The following IGF2BP1 variants were observed in gnomAD, a reference collection of about 807,000 sequenced individuals.
The protein encoded by IGF2BP1 is insulin like growth factor 2 mRNA binding protein 1.
In IGF2BP1, 11 loss-of-function variants were observed where a neutral mutation model predicts 74.9. The ratio of observed to expected loss-of-function variants is 0.15; its 90% CI spans 0.09 to 0.24. IGF2BP1 has a LOEUF of 0.24. Ranked by LOEUF, IGF2BP1 falls within the 10% of genes least tolerant of loss-of-function variation. The probability of loss-of-function intolerance (pLI) is 1.00; values close to 1 mark genes in which losing one functional copy is unlikely to be tolerated. For missense variants in IGF2BP1, 440 were observed against 757.4 expected (o/e 0.58, Z 4.92); for synonymous variants, 287 against 281.8 (o/e 1.02, Z -0.18).
Position 49,003,813 on chromosome 17 carries a change from A to AC in IGF2BP1, c.236+4645dup, listed in dbSNP as rs1440420065. ...AGGGAGAGAGGGAGGGAGGGGAGAT[A>AC]CGGGGTTGGGTGGATTTCCCGCTTC... On this transcript the variant is annotated intron_variant, in intron 2 of 14. Transcript: ENST00000290341. Among the ~76,000 whole-genome samples, 3 of 127,152 alleles carry AC rather than the reference A, an allele frequency of 2.4e-5. No individual in the cohort carries two copies. The East Asian group carries it at 8.5e-4, about 36-fold the overall frequency. 83.4% of individuals were successfully genotyped at this position (127,152 alleles called of 152,430 possible). A position where few individuals can be genotyped will look rare whatever the true frequency, so the allele number is the denominator to read the frequency against.
chr17:49,043,552 T>G lies in IGF2BP1; in HGVS notation c.1200+2T>G. The G allele has an allele frequency of 6.2e-7, 1 of 1,613,848 alleles. No individual in the cohort carries two copies. The highest frequency in any genetic ancestry group is 8.5e-7 in the Non-Finnish European group (1 of 1,179,814). On this transcript the variant is annotated splice_donor_variant, in intron 10 of 14. Transcript: ENST00000290341. LOFTEE classifies it high-confidence loss of function. Reference sequence around the variant, plus strand: ...GCTGCTCCCTATAGCTCCTTTATGGTAGGTGGAAGATCTTATTACACGGGA... The same window carrying G: ...GCTGCTCCCTATAGCTCCTTTATGGGAGGTGGAAGATCTTATTACACGGGA...
In IGF2BP1 at chr17:49,055,706, CA is replaced by C. The variant is rs1424740004; in HGVS notation, c.*6266del. 1.8e-5 allele frequency: 7 copies of C among 398,372 alleles called. No homozygotes were observed. The highest frequency in any genetic ancestry group is 1.4e-4 in the African/African-American group (7 of 48,580). The allele number at this position is 398,372 out of a possible 1,614,324, so 24.7% of individuals were successfully genotyped here. On this transcript the variant is annotated 3_prime_UTR_variant, in exon 15 of 15. Transcript: ENST00000290341. ...CCTGGTCCCCAAAACCAGAGTGAAT[CA>C]AAAGAGCTTCCTCCCCTGAGGCAAA...
At chr17:49,000,941 A>G (rs1264860897) in intron 2 of IGF2BP1, among the ~76,000 whole-genome samples, 2 of 92,164 alleles carry the variant, frequency 2.2e-5, no homozygotes, top group Non-Finnish European at 4.6e-5. Flanking sequence ...AAGACTGGGT[A>G]AAAAAAAAAA....
intron 2 of IGF2BP1, among the ~76,000 whole-genome samples, chr17:49,019,918 A>ATG (rs2041759087): frequency 1.9e-5 from 1 of 52,102 alleles, no homozygotes. Flanking sequence ...ATATATATAT[A>ATG]TATATATATA....
intron 2 of IGF2BP1, among the ~76,000 whole-genome samples, chr17:49,014,597 GAC>G (rs1401966222): frequency 6.6e-6 from 1 of 152,054 alleles, no homozygotes; most frequent in Non-Finnish European, 1.5e-5. Context: ...TCAGGGGAGA[GAC>G]TGGCTGAGGA....
At position 48,997,711 on chromosome 17, in the gene IGF2BP1, T is replaced by TGCCCGGGACCGCGTCCTGCCCC. The variant is rs757891681; in HGVS notation, c.-33_-12dup. 1 of 1,601,426 alleles carries TGCCCGGGACCGCGTCCTGCCCC rather than the reference T, an allele frequency of 6.2e-7. No individual in the cohort carries two copies. The highest frequency in any genetic ancestry group is 8.5e-7 in the Non-Finnish European group (1 of 1,173,074). On this transcript the variant is annotated 5_prime_UTR_variant, in exon 1 of 15. Coordinates refer to ENST00000290341, the MANE Select transcript of IGF2BP1 (RefSeq NM_006546.4). The surrounding 1 kb of genome is among the most constrained non-coding windows in gnomAD (Gnocchi z 4.8). ...CCGCCCGCGCCCGCTCGTTCGGCCT[T>TGCCCGGGACCGCGTCCTGCCCC]GCCCGGGACCGCGTCCTGCCCCGAG...
intron 3 of IGF2BP1, among the ~76,000 whole-genome samples, 187 bp downstream of exon 3, chr17:49,025,853 CTTTCTTT>C (rs1193943732): frequency 1.1e-4 from 16 of 140,364 alleles, no homozygotes; most frequent in Admixed American, 7.0e-4. Flanking sequence ...TCTTTCTTTT[CTTTCTTT>C]TTTTTTTTTT....
In IGF2BP1 at chr17:49,006,190, G is replaced by A. The variant is rs114487343; in HGVS notation, c.236+7021G>A. 3.1e-3 allele frequency among the ~76,000 whole-genome samples: 472 copies of A among 152,312 alleles called. 2 individuals carry two copies. Among genetic ancestry groups the A allele is most frequent in the African/African-American group, 0.011 (455 of 41,564 alleles). ...GATTGGATATAGTTAGGATCTTTAA[G>A]GGGAGAAATCAGAGAATTCAGAAAT... On this transcript the variant is annotated intron_variant, in intron 2 of 14. Transcript: ENST00000290341.
rs543606274 is a variant in IGF2BP1 at position 49,051,655 on chromosome 17, A to T, written c.*2211A>T. The T allele has an allele frequency of 3.3e-5, 5 of 152,278 alleles. No homozygotes were observed. In the East Asian group the frequency reaches 9.6e-4, roughly 29 times the overall value. 9.4% of individuals were successfully genotyped at this position (152,278 alleles called of 1,614,324 possible). On this transcript the variant is annotated 3_prime_UTR_variant, in exon 15 of 15. Transcript: ENST00000290341. ...ACCAGTGGTGCTGTTGAGATATTTT[A>T]AAATATTGCCTCCGTTTTATCGAGG...
chr17:49,028,361 A>G (rs1157251437), intron 4 of IGF2BP1, among the ~76,000 whole-genome samples: 1 of 152,182 alleles, frequency 6.6e-6, no homozygotes, highest in Non-Finnish European at 1.5e-5. Flanking sequence ...AATGATTATA[A>G]ATGATGAAAA....
chr17:49,001,372 C>T (rs1340404321), intron 2 of IGF2BP1, among the ~76,000 whole-genome samples: 1 of 152,124 alleles, frequency 6.6e-6, no homozygotes, highest in African/African-American at 2.4e-5. Flanking sequence ...TCCTTATGAA[C>T]TCTTCTTGAG....
At chr17:49,026,313 C>G (rs2041852560) in intron 3 of IGF2BP1, 153 bp from the exon 4 acceptor site, 1 of 655,596 alleles carries the variant, frequency 1.5e-6, no homozygotes, top group Non-Finnish European at 2.7e-6. Flanking sequence ...GCATTAGCAC[C>G]CTAGAAAGGT....
At chr17:49,034,757 AAAAAAAAC>A (rs1433640652) in intron 5 of IGF2BP1, among the ~76,000 whole-genome samples, 4 of 79,464 alleles carry the variant, frequency 5.0e-5, no homozygotes, top group East Asian at 2.9e-4. Flanking sequence ...CAAAAAAAAC[AAAAAAAAC>A]AAAAAAAACG....
At position 49,031,929 on chromosome 17, in the gene IGF2BP1, G is replaced by A. The variant is rs201903108; in HGVS notation, c.357G>A (p.Thr119=). The A allele has an allele frequency of 3.7e-6, 6 of 1,613,816 alleles. No homozygotes were observed. The East Asian group carries it at 6.7e-5, about 18-fold the overall frequency. The part of the protein sequence containing the change: ...NCEQVNTESE[T]AVVNVTYSNR... ...CTGCAGTGAACACCGAGAGTGAGAC[G>A]GCAGTGGTGAATGTCACCTATTCCA... The change falls in exon 5 of 15, where the codon ACG becomes ACA. Residue 119 remains threonine (T), a synonymous_variant. Coordinates refer to ENST00000290341, the MANE Select transcript of IGF2BP1 (RefSeq NM_006546.4).
At chr17:49,038,525 G>C in intron 6 of IGF2BP1, 76 bp downstream of exon 6, 1 of 1,337,490 alleles carries the variant, frequency 7.5e-7, no homozygotes. Flanking sequence ...CCTCCTGGAA[G>C]CATGCTGGAG....
At chr17:49,037,234 A>T in intron 5 of IGF2BP1, 1 of 457,252 alleles carries the variant, frequency 2.2e-6, no homozygotes. Context: ...GATTTTACCA[A>T]ATGTTGCAAG....
rs947992396 is a variant in IGF2BP1, at chr17:49,052,983, C to T, written c.*3539C>T. The T allele has an allele frequency of 6.6e-6, 1 of 152,156 alleles. No individual in the cohort carries two copies. Among genetic ancestry groups the T allele is most frequent in the Admixed American group, 6.5e-5 (1 of 15,286 alleles). The allele number at this position is 152,156 out of a possible 1,614,324, so 9.4% of individuals were successfully genotyped here. ...AGTTACACCCCAAATGGCTTTAATC[C>T]CCTCTCGGGTCTGGTTGCCTTTTGC... On this transcript the variant is annotated 3_prime_UTR_variant, in exon 15 of 15. Transcript: ENST00000290341.
chr17:49,037,244 G>T, intron 5 of IGF2BP1: 7 of 450,776 alleles, frequency 1.6e-5, no homozygotes, highest in Non-Finnish European at 2.9e-5. Context: ...AATGTTGCAA[G>T]AACTCTGGAA....
intron 2 of IGF2BP1, among the ~76,000 whole-genome samples, chr17:49,002,103 T>C (rs1191963968): frequency 6.6e-6 from 1 of 152,164 alleles, no homozygotes; most frequent in Non-Finnish European, 1.5e-5. Flanking sequence ...ATTCTAAGTT[T>C]GGTGATTTCT....
Sources: allele counts gnomAD v4.1 joint callset (sites outside exome capture counted in the v4.1 genomes callset), GRCh38; gene constraint gnomAD v4.1.1; non-coding constraint Gnocchi (gnomAD v3.1); transcripts MANE v1.5; gene names NCBI Gene and HGNC (gene_info 2026-07-23, HGNC 2026-07-21).